MDFIC: variants seen among roughly 807,000 people sequenced by gnomAD.
MDFIC encodes the protein myoD family inhibitor domain-containing protein.
MDFIC carries 17 observed loss-of-function variants against 23.2 expected under a neutral mutation model. The ratio of observed to expected loss-of-function variants is 0.73; its 90% CI spans 0.50 to 1.10. The LOEUF is 1.10. Among genes scored for constraint, MDFIC ranks in the 50% least tolerant of loss-of-function variants. The pLI, the probability that MDFIC is intolerant of heterozygous loss-of-function variation, is 0.00. For synonymous variants in MDFIC, 120 were observed against 115.2 expected, an observed-to-expected ratio of 1.04 and a Z score of -0.27; for missense variants, 356 against 316.6, an observed-to-expected ratio of 1.12 and a Z score of -0.95.
chr7:114,960,420 T>A (rs1792966639), intron 3 of MDFIC, among the ~76,000 whole-genome samples: 1 of 152,120 alleles, frequency 6.6e-6, no homozygotes, highest in Non-Finnish European at 1.5e-5. Flanking sequence ...CTCTCACTGA[T>A]TATCCAAGAG....
Position 114,922,983 on chromosome 7 carries a change from G to A in MDFIC, c.-51G>A. ...CAGCCCTTCCTCCGTGCGCCCTGCC[G>A]GGCGGCGAGCTAGGCGGCAGCGGCG... On this transcript the variant is annotated 5_prime_UTR_variant, in exon 2 of 5. Transcript: ENST00000393486. 1.3e-6 allele frequency: 2 copies of A among 1,539,428 alleles called. No homozygotes were observed. Among genetic ancestry groups the A allele is most frequent in the Non-Finnish European group, 1.7e-6 (2 of 1,144,704 alleles).
rs1792718952 is a variant in MDFIC at position 114,949,538 on chromosome 7, T to C, written c.217+7141T>C. Among the ~76,000 whole-genome samples the C allele has an allele frequency of 2.6e-5, 4 of 152,222 alleles. No homozygotes were observed. In the South Asian group the frequency reaches 8.3e-4, roughly 32 times the overall value. Reference sequence around the variant, plus strand: ...TATGTTTTTGCAGATCATGTTGTTATATTGAAATTTGTGAATTAGGAATTA... The same window carrying C: ...TATGTTTTTGCAGATCATGTTGTTACATTGAAATTTGTGAATTAGGAATTA... On this transcript the variant is annotated intron_variant, in intron 3 of 4. Transcript: ENST00000393486.
At chr7:114,974,617 A>G (rs1372637847) in intron 3 of MDFIC, among the ~76,000 whole-genome samples, 1 of 152,126 alleles carries the variant, frequency 6.6e-6, no homozygotes, top group Admixed American at 6.6e-5. Context: ...GCACATGCTA[A>G]TAGATTATAC....
At chr7:114,955,351 T>C (rs1419021016) in intron 3 of MDFIC, among the ~76,000 whole-genome samples, 1 of 152,202 alleles carries the variant, frequency 6.6e-6, no homozygotes, top group Non-Finnish European at 1.5e-5. Context: ...ATTTTCCTTT[T>C]CCCAGGCTTC....
At chr7:114,950,815 A>G (rs1792753503) in intron 3 of MDFIC, among the ~76,000 whole-genome samples, 1 of 152,208 alleles carries the variant, frequency 6.6e-6, no homozygotes, top group South Asian at 2.1e-4. Context: ...AAATATATCC[A>G]ACAATAGGTA....
intron 4 of MDFIC, among the ~76,000 whole-genome samples, chr7:114,990,402 C>T (rs1793585562): frequency 1.3e-5 from 2 of 151,728 alleles, no homozygotes; most frequent in Non-Finnish European, 2.9e-5. Context: ...GCACAACGTG[C>T]AGGTTTGTTA....
intron 4 of MDFIC, among the ~76,000 whole-genome samples, chr7:114,989,862 G>T (rs1485742517): frequency 6.6e-6 from 1 of 152,114 alleles, no homozygotes; most frequent in Non-Finnish European, 1.5e-5. Flanking sequence ...GATTGATAGG[G>T]CCTTAGGATT....
intron 4 of MDFIC, among the ~76,000 whole-genome samples, chr7:114,999,296 C>T (rs1381504378): frequency 1.3e-5 from 2 of 151,898 alleles, no homozygotes; most frequent in African/African-American, 2.4e-5. Context: ...GAAATAGCTC[C>T]AAAAATCTCC....
At chr7:114,935,943 G>C (rs2115729814) in intron 2 of MDFIC, among the ~76,000 whole-genome samples, 1 of 152,188 alleles carries the variant, frequency 6.6e-6, no homozygotes, top group East Asian at 1.9e-4. Flanking sequence ...TTTTAAAAAA[G>C]TGCTTACTGC....
chr7:115,003,291 C>T (rs1791499620), intron 4 of MDFIC, among the ~76,000 whole-genome samples: 1 of 152,142 alleles, frequency 6.6e-6, no homozygotes, highest in Non-Finnish European at 1.5e-5. Context: ...AGCCACCTTT[C>T]ACCCCCCAGC....
chr7:114,925,864 G>C (rs904925888), intron 2 of MDFIC, among the ~76,000 whole-genome samples: 7 of 152,150 alleles, frequency 4.6e-5, no homozygotes, highest in Admixed American at 3.9e-4. Flanking sequence ...TATGGCCTCT[G>C]AGCAGCTAAT....
intron 4 of MDFIC, among the ~76,000 whole-genome samples, chr7:114,983,630 C>T (rs1050297452): frequency 7.6e-6 from 1 of 130,850 alleles, no homozygotes; most frequent in Non-Finnish European, 1.5e-5. Context: ...TGCGATGGTG[C>T]GATCTCGGCT....
chr7:114,981,602 C>A (rs1333807104), intron 4 of MDFIC, among the ~76,000 whole-genome samples: 1 of 152,112 alleles, frequency 6.6e-6, no homozygotes, highest in East Asian at 1.9e-4. Flanking sequence ...GCTTTTATCA[C>A]AAAATATGTT....
intron 2 of MDFIC, chr7:114,923,404 A>G (rs2115661273): frequency 6.8e-7 from 1 of 1,480,990 alleles, no homozygotes; most frequent in Non-Finnish European, 9.1e-7. Flanking sequence ...TCTTAAGCAT[A>G]TGCATGTTTG....
intron 4 of MDFIC, among the ~76,000 whole-genome samples, chr7:114,986,688 T>G (rs1285172241): frequency 6.6e-6 from 1 of 152,234 alleles, no homozygotes; most frequent in Non-Finnish European, 1.5e-5. Context: ...CTCATAACTC[T>G]CTTTGCATTC....
chr7:114,962,100 C>A (rs1239796867), intron 3 of MDFIC, among the ~76,000 whole-genome samples: 2 of 152,086 alleles, frequency 1.3e-5, no homozygotes, highest in Non-Finnish European at 2.9e-5. Context: ...TTCTAGATAT[C>A]ATGTCATATA....
At chr7:114,958,848 T>C (rs1414381605) in intron 3 of MDFIC, among the ~76,000 whole-genome samples, 2 of 152,184 alleles carry the variant, frequency 1.3e-5, no homozygotes, top group Non-Finnish European at 2.9e-5. Context: ...GATTCGCCAC[T>C]CCTCATTTAT....
In MDFIC at chr7:114,995,426, AT is replaced by A. The variant is rs550667898; in HGVS notation, c.493+15650del. On this transcript the variant is annotated intron_variant, in intron 4 of 4. Coordinates refer to ENST00000393486, the MANE Select transcript of MDFIC (RefSeq NM_001166345.3). ...CCTTTGGAGGGGGATAGGCACTCTGATTTTTAGAATTTTGTTTTTCTGCTCT... is the reference window on the plus strand; with the variant it reads ...CCTTTGGAGGGGGATAGGCACTCTGATTTTAGAATTTTGTTTTTCTGCTCT... Among the ~76,000 whole-genome samples, 219 of 152,098 alleles carry A rather than the reference AT, an allele frequency of 1.4e-3. 1 individual carries two copies. The highest frequency in any genetic ancestry group is 2.4e-3 in the Non-Finnish European group (165 of 67,980).
At chr7:115,000,041 C>A (rs980031988) in intron 4 of MDFIC, among the ~76,000 whole-genome samples, 1 of 152,050 alleles carries the variant, frequency 6.6e-6, no homozygotes, top group African/African-American at 2.4e-5. Context: ...AAAAGAAGCA[C>A]ATATTTATTC....
Sources: allele counts gnomAD v4.1 joint callset (sites outside exome capture counted in the v4.1 genomes callset), GRCh38; gene constraint gnomAD v4.1.1; transcripts MANE v1.5; gene names NCBI Gene and HGNC (gene_info 2026-07-23, HGNC 2026-07-21).